The following MKRN1 variants were observed in gnomAD, a reference collection of about 807,000 sequenced individuals.
MKRN1 encodes makorin ring finger protein 1.
Under a neutral mutation model 55.5 loss-of-function variants are expected in MKRN1, and 9 were observed. The observed-to-expected ratio is 0.16, with a 90% CI of 0.10 to 0.28. MKRN1 has a LOEUF of 0.28. Ranked by LOEUF, MKRN1 falls within the 10% of genes least tolerant of loss-of-function variation. The pLI is 1.00. For missense variants in MKRN1, 488 were observed against 626.7 expected, an observed-to-expected ratio of 0.78 and a Z score of 2.36; for synonymous variants, 253 against 235.9, an observed-to-expected ratio of 1.07 and a Z score of -0.66.
At position 140,471,227 on chromosome 7, in the gene MKRN1, A is replaced by T. The variant is rs532983779; in HGVS notation, c.314+656T>A. ...ATTAAGACCCCCATCTCTACAAAAA[A>T]CTAAATAAATGAGGTGGTGCATCCC... On this transcript the variant is annotated intron_variant, in intron 2 of 7. Coordinates refer to ENST00000255977, the MANE Select transcript of MKRN1 (RefSeq NM_013446.4). Among the ~76,000 whole-genome samples the T allele has an allele frequency of 3.3e-5, 5 of 152,108 alleles. No individual in the cohort carries two copies. In the South Asian group the frequency reaches 1.0e-3, roughly 32 times the overall value.
rs747696884 is a variant in MKRN1, at chr7:140,454,596, T to C, written c.1370A>G (p.Asp457Gly). Residue 457 changes from aspartate (D) to glycine (G), a missense_variant, in exon 8 of 8, where the codon GAC becomes GGC. Asp to Gly is a moderately conservative substitution (Grantham distance 94). Transcript: ENST00000255977. ...ATCTTCAGAGTCTGTTAGTTCGTCG[T>C]CCCCACCTGCAGCCAAAAGCATAAG... The part of the protein sequence containing the change: ...MLLMLLAAGG[D>G]DELTDSEDEW... 2 of 1,613,858 alleles carry C rather than the reference T, an allele frequency of 1.2e-6. No individual in the cohort carries two copies. The highest frequency in any genetic ancestry group is 3.3e-5 in the Admixed American group (2 of 59,998).
At chr7:140,454,987 T>C in intron 7 of MKRN1, 108 bp downstream of exon 7, 1 of 1,446,030 alleles carries the variant, frequency 6.9e-7, no homozygotes, top group African/African-American at 1.4e-5. Context: ...CTCTACACTT[T>C]CGCTCCCAGA....
At chr7:140,458,878 G>A (rs1326550558) in intron 4 of MKRN1, 129 bp downstream of exon 4, 3 of 1,008,412 alleles carry the variant, frequency 3.0e-6, no homozygotes, top group African/African-American at 1.6e-5. Flanking sequence ...CCCAAGAAAG[G>A]AAAACTTCCC....
At chr7:140,477,368 C>A (rs886498753) in intron 1 of MKRN1, among the ~76,000 whole-genome samples, 6 of 151,930 alleles carry the variant, frequency 3.9e-5, no homozygotes, top group Admixed American at 2.0e-4. Context: ...TTCGCCCAGG[C>A]TGGAGTGAAG....
intron 2 of MKRN1, 33 bp downstream of exon 2, chr7:140,471,850 C>A (rs756172762): frequency 1.2e-6 from 2 of 1,604,414 alleles, no homozygotes; most frequent in African/African-American, 2.7e-5. Flanking sequence ...TCCTCCAACC[C>A]ACCCCTGAAC....
At chr7:140,460,456 C>T (rs1794589529) in intron 2 of MKRN1, among the ~76,000 whole-genome samples, 1 of 151,460 alleles carries the variant, frequency 6.6e-6, no homozygotes, top group Non-Finnish European at 1.5e-5. Context: ...ATTACAGGCG[C>T]CAGCCACCAA....
intron 2 of MKRN1, among the ~76,000 whole-genome samples, chr7:140,466,781 G>A (rs969942381): frequency 6.8e-6 from 1 of 147,194 alleles, no homozygotes. Flanking sequence ...TCCGCCGTCC[G>A]GCCTGGGCGA....
rs147551531 is a variant in MKRN1, at chr7:140,457,647, G to A, written c.772-781C>T. On this transcript the variant is annotated intron_variant, in intron 4 of 7. Transcript: ENST00000255977. The stretch of plus-strand genomic sequence containing the variant: ...CGGGAGGCAGAGGCTGCAGTGAGCC[G>A]AGACTGCACTGCTACACTCCAGCCT... 8.5e-3 allele frequency among the ~76,000 whole-genome samples: 1,292 copies of A among 151,760 alleles called. 20 individuals are homozygous for A. The highest frequency in any genetic ancestry group is 0.029 in the African/African-American group (1,190 of 41,374).
chr7:140,459,720 G>A lies in MKRN1; in HGVS notation c.531C>T (p.Pro177=). Residue 177 remains proline (P), a synonymous_variant, in exon 3 of 8, where the codon CCC becomes CCT. Transcript: ENST00000255977. The stretch of plus-strand genomic sequence containing the variant: ...CAGAATACTTACTACGGCCACAGTA[G>A]GGTTGCCCAGGAACAAACTCAATAG... The part of the protein sequence containing the change: ...VNAIEFVPGQ[P]YCGRTAPSCT... The A allele has an allele frequency of 1.9e-6, 3 of 1,613,818 alleles. No homozygotes were observed. The highest frequency in any genetic ancestry group is 2.5e-6 in the Non-Finnish European group (3 of 1,179,766).
chr7:140,455,330 A>T, intron 6 of MKRN1, 97 bp from the exon 7 acceptor site: 2 of 1,472,636 alleles, frequency 1.4e-6, no homozygotes, highest in Non-Finnish European at 1.9e-6. Context: ...GGATAGAACC[A>T]GTATGTCAGC....
chr7:140,460,054 G>T, intron 2 of MKRN1, 118 bp from the exon 3 acceptor site: 1 of 869,586 alleles, frequency 1.1e-6, no homozygotes, highest in Non-Finnish European at 1.8e-6. Context: ...TTCGAGACCA[G>T]CCTGGCCAAT....
chr7:140,456,332 C>G (rs1488357939), intron 5 of MKRN1: 1 of 1,217,482 alleles, frequency 8.2e-7, no homozygotes. Context: ...AAATGTAAAA[C>G]GTCAGGAAAC....
rs558580200 is a variant in MKRN1, at chr7:140,472,814, C to T, written c.186-803G>A. ...TAGATTATGAAAACTGTTTAACTTA[C>T]ATAACAAAAAGAAAAAAAAAGGGCC... On this transcript the variant is annotated intron_variant, in intron 1 of 7. Transcript: ENST00000255977. 5.2e-4 allele frequency among the ~76,000 whole-genome samples: 79 copies of T among 151,004 alleles called. 1 individual carries two copies. Among genetic ancestry groups the T allele is most frequent in the Non-Finnish European group, 1.0e-3 (68 of 67,842 alleles).
intron 2 of MKRN1, among the ~76,000 whole-genome samples, chr7:140,460,523 A>T (rs1942569539): frequency 6.6e-6 from 1 of 151,256 alleles, no homozygotes; most frequent in Non-Finnish European, 1.5e-5. Context: ...CTGATCTCGA[A>T]CTCCTGACCT....
chr7:140,460,772 A>G (rs1441694133), intron 2 of MKRN1, among the ~76,000 whole-genome samples: 1 of 152,236 alleles, frequency 6.6e-6, no homozygotes, highest in Non-Finnish European at 1.5e-5. Context: ...GGGGGTCACC[A>G]AAGTTTAAAG....
chr7:140,459,111 G>A lies in MKRN1; in HGVS notation c.667C>T (p.Arg223Ter). 1 of 1,613,878 alleles carries A rather than the reference G, an allele frequency of 6.2e-7. No homozygotes were observed. The highest frequency in any genetic ancestry group is 8.5e-7 in the Non-Finnish European group (1 of 1,179,862). ...AGATACACACAGTTCTCCCCGTATC[G>A]GCACTCTCCCACTGCAGCATAGGGG... The part of the protein sequence containing the change: ...LCPYAAVGEC[R>*]YGENCVYLHG... The change falls in exon 4 of 8, where the codon CGA becomes TGA. Residue 223 changes from arginine to a stop codon, truncating the protein, a stop_gained. Coordinates refer to ENST00000255977, the MANE Select transcript of MKRN1 (RefSeq NM_013446.4). LOFTEE classifies it high-confidence loss of function.
intron 3 of MKRN1, 101 bp from the exon 4 acceptor site, chr7:140,459,334 G>T: frequency 8.6e-7 from 1 of 1,165,928 alleles, no homozygotes; most frequent in Non-Finnish European, 1.2e-6. Flanking sequence ...AAACTGCAAT[G>T]AAATACCAAA....
chr7:140,477,040 G>GT (rs1470303256), intron 1 of MKRN1, among the ~76,000 whole-genome samples: 1 of 148,756 alleles, frequency 6.7e-6, no homozygotes, highest in Non-Finnish European at 1.5e-5. Context: ...GGGGGTTGTG[G>GT]TAAGTAGAGA....
chr7:140,459,205 C>T lies in MKRN1; in HGVS notation c.573G>A (p.Leu191=), dbSNP rs1293544402. 3.7e-6 allele frequency: 6 copies of T among 1,613,908 alleles called. No homozygotes were observed. Among genetic ancestry groups the T allele is most frequent in the Non-Finnish European group, 5.1e-6 (6 of 1,179,856 alleles). ...RTAPSCTEAP[L]QGSVTKEESE... ...ATTCTTCCTTGGTCACTGAGCCCTG[C>T]AGGGGTGCTTCAGTGCAGGAAGGCG... is the stretch of plus-strand genomic sequence containing the variant. Residue 191 remains leucine (L), a synonymous_variant, in exon 4 of 8, where the codon CTG becomes CTA. Transcript: ENST00000255977.
Sources: gnomAD v4.1 joint callset for allele counts (sites outside exome capture counted in the v4.1 genomes callset) on GRCh38, gnomAD v4.1.1 for gene constraint, MANE v1.5 for transcripts, NCBI Gene and HGNC (gene_info 2026-07-23, HGNC 2026-07-21) for gene names.